Variants in SLC25A21 observed in about 807,000 individuals in gnomAD.
SLC25A21 encodes solute carrier family 25 member 21, also known as mitochondrial 2-oxodicarboxylate carrier.
Under a neutral mutation model 43.8 loss-of-function variants are expected in SLC25A21, and 47 were observed. That is an observed-to-expected ratio of 1.07 (90% CI 0.85 to 1.37). The LOEUF (loss-of-function observed/expected upper bound fraction) is 1.37, where lower values mean the gene tolerates loss of function less well. SLC25A21 is among the 40% of genes most tolerant of loss of function. The probability of loss-of-function intolerance (pLI) is 0.00; values close to 1 mark genes in which losing one functional copy is unlikely to be tolerated. For synonymous variants in SLC25A21, 131 were observed against 121.3 expected, an observed-to-expected ratio of 1.08 and a Z score of -0.52; for missense variants, 352 against 350.2, an observed-to-expected ratio of 1.00 and a Z score of -0.04.
At position 36,680,494 on chromosome 14, in the gene SLC25A21, C is replaced by T. The variant is rs542454201; in HGVS notation, c.*164G>A. 8.0e-7 allele frequency: 1 copy of T among 1,253,230 alleles called. No homozygotes were observed. The highest frequency in any genetic ancestry group is 1.0e-6 in the Non-Finnish European group (1 of 996,970). The allele number at this position is 1,253,230 out of a possible 1,614,324, so 77.6% of individuals were successfully genotyped here. On this transcript the variant is annotated 3_prime_UTR_variant, in exon 10 of 10. Transcript: ENST00000331299. ...TTATTTATACAGCCAAAACTATAATCTCAAGTTGCCTATAGACATTTTTTA... is the reference window on the plus strand; with the variant it reads ...TTATTTATACAGCCAAAACTATAATTTCAAGTTGCCTATAGACATTTTTTA...
intron 1 of SLC25A21, among the ~76,000 whole-genome samples, chr14:37,155,646 C>T (rs987555205): frequency 1.2e-4 from 19 of 152,010 alleles, no homozygotes; most frequent in African/African-American, 4.1e-4. Context: ...GTGATAGTGG[C>T]AAGAGAAAAA....
At position 36,921,452 on chromosome 14, in the gene SLC25A21, C is replaced by T. The variant is rs113310221; in HGVS notation, c.71-46448G>A. On this transcript the variant is annotated intron_variant, in intron 1 of 9. Transcript: ENST00000331299. ...CTGTACCATCTGTAATATCCTCAAA[C>T]GAGGACATTAGAAATGGAATGAATA... Among the ~76,000 whole-genome samples the T allele has an allele frequency of 2.4e-3, 370 of 152,040 alleles. 4 individuals carry two copies. Among genetic ancestry groups the T allele is most frequent in the African/African-American group, 8.3e-3 (344 of 41,486 alleles).
chr14:37,081,262 G>A lies in SLC25A21; in HGVS notation c.70+91019C>T, dbSNP rs540212888. Reference sequence around the variant, plus strand: ...AATGGCCTAATCATCTCTAACACTTGGGTACATCTCCCCTAATGTTAGATG... The same window carrying A: ...AATGGCCTAATCATCTCTAACACTTAGGTACATCTCCCCTAATGTTAGATG... On this transcript the variant is annotated intron_variant, in intron 1 of 9. Transcript: ENST00000331299. Among the ~76,000 whole-genome samples, 13 of 152,284 alleles carry A rather than the reference G, an allele frequency of 8.5e-5. No individual in the cohort carries two copies. The South Asian group carries it at 2.7e-3, about 32-fold the overall frequency.
In SLC25A21 at chr14:36,680,196, A is replaced by T; in HGVS notation, c.*462T>A. On this transcript the variant is annotated 3_prime_UTR_variant, in exon 10 of 10. Coordinates refer to ENST00000331299, the MANE Select transcript of SLC25A21 (RefSeq NM_030631.4). Reference sequence around the variant, plus strand: ...TTAAATATTATTTATGGAATAATTTAATTCATTATAAAAACTGCTTAAATT... The same window carrying T: ...TTAAATATTATTTATGGAATAATTTTATTCATTATAAAAACTGCTTAAATT... 1.2e-6 allele frequency: 1 copy of T among 840,930 alleles called. No homozygotes were observed. Among genetic ancestry groups the T allele is most frequent in the Non-Finnish European group, 1.4e-6 (1 of 698,894 alleles). 52.1% of individuals were successfully genotyped at this position (840,930 alleles called of 1,614,324 possible). A position where few individuals can be genotyped will look rare whatever the true frequency, so the allele number is the denominator to read the frequency against.
intron 3 of SLC25A21, among the ~76,000 whole-genome samples, chr14:36,777,313 A>C (rs1484510918): frequency 6.6e-6 from 1 of 152,134 alleles, no homozygotes; most frequent in Non-Finnish European, 1.5e-5. Context: ...TAAGTCCATC[A>C]CATCTTAAAT....
chr14:36,726,296 G>T (rs764144468), intron 5 of SLC25A21, among the ~76,000 whole-genome samples: 3 of 152,114 alleles, frequency 2.0e-5, no homozygotes, highest in Non-Finnish European at 2.9e-5. Context: ...ATCAGAAATG[G>T]CTAGATGTGC....
intron 3 of SLC25A21, among the ~76,000 whole-genome samples, chr14:36,769,222 T>C (rs1886529254): frequency 6.6e-6 from 1 of 152,234 alleles, no homozygotes; most frequent in Non-Finnish European, 1.5e-5. Flanking sequence ...TTCAAGTTTA[T>C]TTGTCTTAGT....
At chr14:36,814,405 T>C (rs1888379915) in intron 2 of SLC25A21, among the ~76,000 whole-genome samples, 1 of 152,122 alleles carries the variant, frequency 6.6e-6, no homozygotes. Flanking sequence ...CAATTTAGTA[T>C]GAAGGTTAAA....
intron 3 of SLC25A21, among the ~76,000 whole-genome samples, chr14:36,790,651 C>G (rs923567334): frequency 6.6e-6 from 1 of 152,072 alleles, no homozygotes; most frequent in South Asian, 2.1e-4. Context: ...GCCTGCAACA[C>G]TTTTGAGGTA....
chr14:36,716,729 A>C (rs1884153522), intron 6 of SLC25A21, among the ~76,000 whole-genome samples: 1 of 152,040 alleles, frequency 6.6e-6, no homozygotes. Context: ...TACTGACGAT[A>C]CCTGGCTCTG....
At chr14:36,720,566 C>T (rs1353880021) in intron 6 of SLC25A21, among the ~76,000 whole-genome samples, 1 of 152,210 alleles carries the variant, frequency 6.6e-6, no homozygotes, top group Non-Finnish European at 1.5e-5. Context: ...TGCATGTAGC[C>T]CATCCATTTG....
Position 36,920,798 on chromosome 14 carries a change from C to T in SLC25A21, c.71-45794G>A, listed in dbSNP as rs111804359. Among the ~76,000 whole-genome samples, 367 of 152,194 alleles carry T rather than the reference C, an allele frequency of 2.4e-3. 4 individuals carry two copies. Among genetic ancestry groups the T allele is most frequent in the African/African-American group, 8.3e-3 (343 of 41,532 alleles). ...ATCCAGACACTCAACAAATAACATT[C>T]ACAATGCCCAGAAAAAGAGGAGCAC... is the stretch of plus-strand genomic sequence containing the variant. On this transcript the variant is annotated intron_variant, in intron 1 of 9. Coordinates refer to ENST00000331299, the MANE Select transcript of SLC25A21 (RefSeq NM_030631.4).
intron 1 of SLC25A21, among the ~76,000 whole-genome samples, chr14:36,877,256 G>A (rs569329907): frequency 6.6e-6 from 1 of 152,220 alleles, no homozygotes; most frequent in East Asian, 1.9e-4. Flanking sequence ...TTTACCAAAA[G>A]AACCCACAAT....
intron 1 of SLC25A21, among the ~76,000 whole-genome samples, chr14:36,996,432 G>A (rs952944370): frequency 2.6e-5 from 4 of 152,152 alleles, no homozygotes; most frequent in African/African-American, 9.7e-5. Context: ...TCAAAGCCTA[G>A]ATTCTTTACT....
At chr14:36,745,613 CAT>C (rs1400249071) in intron 3 of SLC25A21, among the ~76,000 whole-genome samples, 1 of 152,124 alleles carries the variant, frequency 6.6e-6, no homozygotes, top group Non-Finnish European at 1.5e-5. Context: ...AGCATTTTTT[CAT>C]ATGTCTGTTG....
chr14:36,810,592 A>C (rs999393160), intron 3 of SLC25A21, among the ~76,000 whole-genome samples: 3 of 152,182 alleles, frequency 2.0e-5, no homozygotes, highest in African/African-American at 7.2e-5. Flanking sequence ...ATATTTAATC[A>C]AGCATCAAGA....
chr14:36,715,371 C>T (rs948463759), intron 6 of SLC25A21, among the ~76,000 whole-genome samples: 12 of 152,146 alleles, frequency 7.9e-5, no homozygotes, highest in African/African-American at 2.4e-4. Context: ...ATAATTTTGA[C>T]TAGATATCTG....
intron 1 of SLC25A21, among the ~76,000 whole-genome samples, chr14:36,937,335 C>G (rs972152657): frequency 6.6e-6 from 1 of 152,164 alleles, no homozygotes; most frequent in Non-Finnish European, 1.5e-5. Context: ...AGACCTCAGA[C>G]TGAATTAGGA....
intron 1 of SLC25A21, among the ~76,000 whole-genome samples, chr14:37,037,747 C>T (rs1362805974): frequency 6.6e-6 from 1 of 152,100 alleles, no homozygotes; most frequent in Admixed American, 6.6e-5. Context: ...CCTCTACATT[C>T]CCCAGCCCAG....
Sources: allele counts gnomAD v4.1 joint callset (sites outside exome capture counted in the v4.1 genomes callset), GRCh38; gene constraint gnomAD v4.1.1; transcripts MANE v1.5; gene names NCBI Gene and HGNC (gene_info 2026-07-23, HGNC 2026-07-21).